UCMA: variants seen among roughly 807,000 people sequenced by gnomAD.
UCMA encodes upper zone of growth plate and cartilage matrix associated, also known as upper zone of growth plate and cartilage matrix-associated protein.
In UCMA, 21 loss-of-function variants were observed where a neutral mutation model predicts 21.8. The ratio of observed to expected loss-of-function variants is 0.97; its 90% CI spans 0.68 to 1.39. The LOEUF (loss-of-function observed/expected upper bound fraction) is 1.39. Among genes scored for constraint, UCMA ranks in the 40% most tolerant of loss-of-function variants. The pLI is 0.00. For missense variants in UCMA, 193 were observed against 178.9 expected (o/e 1.08, Z -0.45); for synonymous variants, 76 against 67.9 (o/e 1.12, Z -0.58).
rs201498131 is a variant in UCMA at position 13,222,229 on chromosome 10, A to G, written c.320-29T>C. On this transcript the variant is annotated intron_variant, in intron 4 of 4. Transcript: ENST00000378681. ...GGGAGGAAAGACAAAGCCACCTGTT[A>G]GGACAGGGGGACTCTGACCTGCCAC... is the stretch of plus-strand genomic sequence containing the variant. The G allele has an allele frequency of 1.4e-4, 222 of 1,605,380 alleles. 3 individuals carry two copies. In the African/African-American group the frequency reaches 2.4e-3, roughly 17 times the overall value.
chr10:13,226,199 T>TTTA (rs896737198), intron 4 of UCMA, among the ~76,000 whole-genome samples: 4 of 66,614 alleles, frequency 6.0e-5, no homozygotes, highest in African/African-American at 3.3e-4. Flanking sequence ...TTGTTGTGGA[T>TTTA]TTTTTTTTTT....
intron 3 of UCMA, among the ~76,000 whole-genome samples, chr10:13,232,371 CAAAAAAAAAAAA>C (rs34527224): frequency 9.6e-4 from 67 of 69,594 alleles, no homozygotes; most frequent in African/African-American, 3.7e-3. Context: ...GACTCCATCT[CAAAAAAAAAAAA>C]AAAAAAAAAA....
chr10:13,228,115 G>A (rs554814075), intron 4 of UCMA, among the ~76,000 whole-genome samples: 10 of 151,588 alleles, frequency 6.6e-5, no homozygotes, highest in East Asian at 5.8e-4. Context: ...GCTGGAGTGC[G>A]GTGGTGCAAT....
intron 1 of UCMA, 129 bp downstream of exon 1, chr10:13,234,072 A>G (rs1440427416): frequency 1.3e-6 from 1 of 777,880 alleles, no homozygotes; most frequent in Non-Finnish European, 2.0e-6. Context: ...CACACGACAC[A>G]CACATACACA....
intron 3 of UCMA, among the ~76,000 whole-genome samples, chr10:13,230,450 C>G (rs1281330872): frequency 2.0e-5 from 3 of 152,182 alleles, no homozygotes; most frequent in Non-Finnish European, 2.9e-5. Flanking sequence ...ATGTAAAGCT[C>G]TCTACTTTCA....
At chr10:13,226,469 A>G (rs1834824968) in intron 4 of UCMA, among the ~76,000 whole-genome samples, 2 of 152,068 alleles carry the variant, frequency 1.3e-5, no homozygotes. Context: ...CACGATGCCC[A>G]GCTTATGTTT....
rs1202494349 is a variant in UCMA, at chr10:13,228,945, A to T, written c.319+666T>A. ...CCTTCTTTTTATTTTATTTTATTTT[A>T]TTTTTTTGATATGGAGTTTCACTCT... is the stretch of plus-strand genomic sequence containing the variant. On this transcript the variant is annotated intron_variant, in intron 4 of 4. Transcript: ENST00000378681. Among the ~76,000 whole-genome samples, 5 of 120,120 alleles carry T rather than the reference A, an allele frequency of 4.2e-5. 2 individuals are homozygous for T. Among genetic ancestry groups the T allele is most frequent in the African/African-American group, 1.6e-4 (5 of 31,738 alleles). 78.8% of individuals were successfully genotyped at this position (120,120 alleles called of 152,430 possible).
intron 3 of UCMA, among the ~76,000 whole-genome samples, chr10:13,233,074 C>T (rs1035663222): frequency 7.2e-5 from 11 of 152,188 alleles, no homozygotes; most frequent in East Asian, 5.8e-4. Flanking sequence ...CATTTCTCAG[C>T]ACCCAGTGTC....
chr10:13,224,714 T>C (rs1834801979), intron 4 of UCMA, among the ~76,000 whole-genome samples: 2 of 152,220 alleles, frequency 1.3e-5, no homozygotes, highest in Admixed American at 1.3e-4. Context: ...AATGGAGATG[T>C]TGCTTTGGTC....
chr10:13,222,136 G>A lies in UCMA; in HGVS notation c.384C>T (p.His128=). The A allele has an allele frequency of 6.2e-7, 1 of 1,614,174 alleles. No homozygotes were observed. The highest frequency in any genetic ancestry group is 8.5e-7 in the Non-Finnish European group (1 of 1,180,024). The change falls in exon 5 of 5, where the codon CAC becomes CAT. Residue 128 remains histidine, a synonymous_variant. Transcript: ENST00000378681. ...QWRQWHYDGL[H]PSYLYNRHHT Reference sequence around the variant, plus strand: ...GGTGGCGGTTGTAGAGATAGGATGGGTGCAGGCCGTCATAGTGCCACTGGC... The same window carrying A: ...GGTGGCGGTTGTAGAGATAGGATGGATGCAGGCCGTCATAGTGCCACTGGC...
chr10:13,230,823 G>C (rs553409956), intron 3 of UCMA, among the ~76,000 whole-genome samples: 2 of 152,196 alleles, frequency 1.3e-5, no homozygotes, highest in Non-Finnish European at 2.9e-5. Context: ...TTGGGAGGCC[G>C]AGGCGGGCGG....
chr10:13,232,743 A>C (rs866324684), intron 3 of UCMA, among the ~76,000 whole-genome samples: 2 of 152,106 alleles, frequency 1.3e-5, no homozygotes. Context: ...AGGCACGAGG[A>C]GGAAAGACTC....
intron 3 of UCMA, among the ~76,000 whole-genome samples, chr10:13,232,207 C>G (rs763040541): frequency 3.7e-4 from 56 of 151,872 alleles, no homozygotes; most frequent in Non-Finnish European, 6.8e-4. Context: ...AATTCTGTCT[C>G]TACAAAAATA....
rs1308533200 is a variant in UCMA, at chr10:13,221,777, G to A, written c.*326C>T. On this transcript the variant is annotated 3_prime_UTR_variant, in exon 5 of 5. Transcript: ENST00000378681. ...AGATAATACACATGGTTGATTCAGC[G>A]TTTTTATTTGTAAGCCATAAGCAAA... The A allele has an allele frequency of 1.1e-5, 3 of 284,352 alleles. No homozygotes were observed. Among genetic ancestry groups the A allele is most frequent in the Non-Finnish European group, 2.0e-5 (3 of 150,146 alleles). The allele number at this position is 284,352 out of a possible 1,614,324, so 17.6% of individuals were successfully genotyped here.
At chr10:13,224,641 GTGA>G (rs1489757432) in intron 4 of UCMA, among the ~76,000 whole-genome samples, 4 of 152,192 alleles carry the variant, frequency 2.6e-5, no homozygotes, top group African/African-American at 9.6e-5. Flanking sequence ...ACTAGCGAAA[GTGA>G]AACTGGCATC....
At chr10:13,222,654 A>G (rs1233948168) in intron 4 of UCMA, among the ~76,000 whole-genome samples, 1 of 151,834 alleles carries the variant, frequency 6.6e-6, no homozygotes, top group Non-Finnish European at 1.5e-5. Flanking sequence ...TTTCCTCCAT[A>G]CTGTTCTGAA....
At chr10:13,230,438 C>T (rs1288491160) in intron 3 of UCMA, among the ~76,000 whole-genome samples, 2 of 152,152 alleles carry the variant, frequency 1.3e-5, no homozygotes, top group Non-Finnish European at 2.9e-5. Context: ...CTGGAGGAAA[C>T]GATGTAAAGC....
At chr10:13,223,794 G>A (rs1325827434) in intron 4 of UCMA, among the ~76,000 whole-genome samples, 4 of 151,768 alleles carry the variant, frequency 2.6e-5, no homozygotes, top group Admixed American at 2.6e-4. Flanking sequence ...TCAAGTGATC[G>A]AACTGCCTCG....
chr10:13,233,646 A>G lies in UCMA; in HGVS notation c.125-13T>C. 1.2e-6 allele frequency: 2 copies of G among 1,613,998 alleles called. No individual in the cohort carries two copies. The highest frequency in any genetic ancestry group is 1.7e-5 in the Admixed American group (1 of 60,008). ...TTCTGTTTTGCATCTGAAACCCGGGAGAGGCCTGTCACCAGCAGTGTGGGG... is the reference window on the plus strand; with the variant it reads ...TTCTGTTTTGCATCTGAAACCCGGGGGAGGCCTGTCACCAGCAGTGTGGGG... On this transcript the variant is annotated splice_polypyrimidine_tract_variant and intron_variant, in intron 2 of 4. Coordinates refer to ENST00000378681, the MANE Select transcript of UCMA (RefSeq NM_145314.3).
Sources: gnomAD v4.1 joint callset for allele counts (sites outside exome capture counted in the v4.1 genomes callset) on GRCh38, gnomAD v4.1.1 for gene constraint, MANE v1.5 for transcripts, NCBI Gene and HGNC (gene_info 2026-07-23, HGNC 2026-07-21) for gene names.